Variants in PAWR observed in about 807,000 individuals in gnomAD.
PAWR encodes the protein PRKC apoptosis WT1 regulator protein.
A neutral mutation model predicts 32.0 loss-of-function variants in PAWR; 23 were observed. The ratio of observed to expected loss-of-function variants is 0.72; its 90% CI spans 0.52 to 1.02. The LOEUF (loss-of-function observed/expected upper bound fraction) is 1.02. Among genes scored for constraint, PAWR ranks in the 50% least tolerant of loss-of-function variants. PAWR has a pLI of 0.00. For missense variants in PAWR, 457 were observed against 437.7 expected, an observed-to-expected ratio of 1.04 and a Z score of -0.39; for synonymous variants, 226 against 187.1, an observed-to-expected ratio of 1.21 and a Z score of -1.70.
rs545097219 is a variant in PAWR at position 79,648,319 on chromosome 12, T to C, written c.517-27112A>G. 3.3e-5 allele frequency among the ~76,000 whole-genome samples: 5 copies of C among 152,288 alleles called. No individual in the cohort carries two copies. In the South Asian group the frequency reaches 6.2e-4, roughly 19 times the overall value. On this transcript the variant is annotated intron_variant, in intron 2 of 6. Transcript: ENST00000328827. ...GAAATTTGACAGGATGGATTCCTAA[T>C]GTTCCTCTTATCCTAGCTGAAGACT...
chr12:79,670,139 T>C (rs916351370), intron 2 of PAWR, among the ~76,000 whole-genome samples: 9 of 152,206 alleles, frequency 5.9e-5, no homozygotes, highest in Non-Finnish European at 1.0e-4. Flanking sequence ...ATTCATTCGT[T>C]GCACCACAGC....
rs1878922499 is a variant in PAWR at position 79,690,095 on chromosome 12, A to C, written c.150T>G (p.Ala50=). 1 of 1,461,468 alleles carries C rather than the reference A, an allele frequency of 6.8e-7. No homozygotes were observed. The highest frequency in any genetic ancestry group is 9.0e-7 in the Non-Finnish European group (1 of 1,113,850). The allele number at this position is 1,461,468 out of a possible 1,614,324, so 90.5% of individuals were successfully genotyped here. A position where few individuals can be genotyped will look rare whatever the true frequency, so the allele number is the denominator to read the frequency against. ...CCAGAGCCCCCGCGGGGGGCTTCCC[A>C]GCGGCGTCGCTGCTGCCCCCTCCCG... ...APPGGGSSDA[A]GKPPAGALGT... Residue 50 remains alanine, a synonymous_variant, in exon 2 of 7, where the codon GCT becomes GCG. Coordinates refer to ENST00000328827, the MANE Select transcript of PAWR (RefSeq NM_002583.4).
At chr12:79,645,228 T>C (rs948964815) in intron 2 of PAWR, among the ~76,000 whole-genome samples, 2 of 152,206 alleles carry the variant, frequency 1.3e-5, no homozygotes, top group Non-Finnish European at 2.9e-5. Flanking sequence ...ATATTATTTA[T>C]TCAAATGGCT....
chr12:79,624,037 C>T (rs543029761), intron 2 of PAWR, among the ~76,000 whole-genome samples: 5 of 152,220 alleles, frequency 3.3e-5, no homozygotes, highest in Admixed American at 2.6e-4. Flanking sequence ...ATGGTCTCAT[C>T]TCTAGTCTTC....
intron 2 of PAWR, among the ~76,000 whole-genome samples, chr12:79,682,905 A>T (rs927000539): frequency 6.6e-6 from 1 of 152,258 alleles, no homozygotes; most frequent in Admixed American, 6.5e-5. Context: ...TAGTAGTTTG[A>T]TAAGATGGCA....
chr12:79,643,451 G>A (rs1334448175), intron 2 of PAWR, among the ~76,000 whole-genome samples: 3 of 152,094 alleles, frequency 2.0e-5, no homozygotes, highest in South Asian at 2.1e-4. Context: ...ACCCCCTGCC[G>A]TGAATGAGCA....
chr12:79,616,938 C>A (rs573341839), intron 3 of PAWR, among the ~76,000 whole-genome samples: 1 of 152,228 alleles, frequency 6.6e-6, no homozygotes, highest in African/African-American at 2.4e-5. Flanking sequence ...TTGTATATAG[C>A]TAATATTTCA....
intron 2 of PAWR, among the ~76,000 whole-genome samples, chr12:79,645,925 G>A (rs956331657): frequency 2.0e-5 from 3 of 152,144 alleles, no homozygotes; most frequent in African/African-American, 7.2e-5. Context: ...TTTGGAATCA[G>A]GTTCTGTCAC....
At chr12:79,655,151 A>C (rs1453391046) in intron 2 of PAWR, among the ~76,000 whole-genome samples, 1 of 152,216 alleles carries the variant, frequency 6.6e-6, no homozygotes, top group Non-Finnish European at 1.5e-5. Flanking sequence ...TTAAGAATAG[A>C]ATGTCAGGCC....
At chr12:79,660,899 A>T (rs751959737) in intron 2 of PAWR, among the ~76,000 whole-genome samples, 4 of 150,962 alleles carry the variant, frequency 2.6e-5, no homozygotes, top group African/African-American at 4.9e-5. Flanking sequence ...ATTTTTTTTT[A>T]AAGTATATAA....
intron 2 of PAWR, among the ~76,000 whole-genome samples, chr12:79,668,644 G>T (rs928104203): frequency 6.6e-6 from 1 of 152,174 alleles, no homozygotes; most frequent in Non-Finnish European, 1.5e-5. Context: ...TTCAAAAGAG[G>T]GTTCGTGTTC....
At chr12:79,652,112 TTAC>T (rs1200758389) in intron 2 of PAWR, among the ~76,000 whole-genome samples, 1 of 152,124 alleles carries the variant, frequency 6.6e-6, no homozygotes, top group African/African-American at 2.4e-5. Flanking sequence ...GAGTTATTGT[TTAC>T]TAGATACGTA....
Position 79,613,551 on chromosome 12 carries a change from T to C in PAWR, c.683+24A>G, listed in dbSNP as rs767837989. 4.5e-6 allele frequency: 6 copies of C among 1,337,770 alleles called. No homozygotes were observed. In the South Asian group the frequency reaches 7.5e-5, roughly 17 times the overall value. 82.9% of individuals were successfully genotyped at this position (1,337,770 alleles called of 1,614,324 possible). Reference sequence around the variant, plus strand: ...AGACATTACATTCATGTCTACAATATGTTTAAGTCATAAGGATTCTTACCT... The same window carrying C: ...AGACATTACATTCATGTCTACAATACGTTTAAGTCATAAGGATTCTTACCT... On this transcript the variant is annotated intron_variant, in intron 4 of 6. Transcript: ENST00000328827.
intron 2 of PAWR, among the ~76,000 whole-genome samples, chr12:79,650,955 G>A (rs952151041): frequency 5.9e-5 from 9 of 152,148 alleles, no homozygotes; most frequent in Non-Finnish European, 1.0e-4. Context: ...GTGCTTTAAG[G>A]GAATAATATC....
At chr12:79,606,375 G>T (rs1211822479) in intron 4 of PAWR, among the ~76,000 whole-genome samples, 2 of 152,162 alleles carry the variant, frequency 1.3e-5, no homozygotes, top group African/African-American at 4.8e-5. Flanking sequence ...ACAGGGAACA[G>T]TAAGATCAGT....
intron 2 of PAWR, among the ~76,000 whole-genome samples, chr12:79,679,123 T>C (rs1186027967): frequency 6.6e-6 from 1 of 152,210 alleles, no homozygotes; most frequent in Admixed American, 6.5e-5. Context: ...TAGTTGTTAT[T>C]ATACTAACCT....
At chr12:79,623,064 G>A (rs1875101900) in intron 2 of PAWR, among the ~76,000 whole-genome samples, 1 of 152,130 alleles carries the variant, frequency 6.6e-6, no homozygotes, top group Non-Finnish European at 1.5e-5. Context: ...GAAGAACCTG[G>A]AAATAGCAAT....
intron 4 of PAWR, among the ~76,000 whole-genome samples, chr12:79,597,578 A>G (rs1481276185): frequency 1.3e-5 from 2 of 152,364 alleles, no homozygotes; most frequent in East Asian, 3.9e-4. Context: ...TCAGTGGCAA[A>G]TTCTCCACTA....
intron 2 of PAWR, among the ~76,000 whole-genome samples, chr12:79,629,954 A>G (rs1396737263): frequency 6.6e-6 from 1 of 152,122 alleles, no homozygotes; most frequent in Non-Finnish European, 1.5e-5. Flanking sequence ...AAAATTTGAA[A>G]TCCACCTAAA....
Sources: allele counts gnomAD v4.1 joint callset (sites outside exome capture counted in the v4.1 genomes callset), GRCh38; gene constraint gnomAD v4.1.1; transcripts MANE v1.5; gene names NCBI Gene and HGNC (gene_info 2026-07-23, HGNC 2026-07-21).